AGFG2: variants seen among roughly 807,000 people sequenced by gnomAD.
AGFG2 encodes ArfGAP with FG repeats 2, also known as arf-GAP domain and FG repeat-containing protein 2.
AGFG2 carries 31 observed loss-of-function variants against 48.0 expected under a neutral mutation model. That is an observed-to-expected ratio of 0.65 (90% CI 0.49 to 0.87). The LOEUF is 0.87. AGFG2 is among the 40% of genes least tolerant of loss of function. The probability of loss-of-function intolerance (pLI) is 0.00; values close to 1 mark genes in which losing one functional copy is unlikely to be tolerated. For synonymous variants in AGFG2, 229 were observed against 260.8 expected, an observed-to-expected ratio of 0.88 and a Z score of 1.18; for missense variants, 599 against 632.6, an observed-to-expected ratio of 0.95 and a Z score of 0.57.
intron 6 of AGFG2, chr7:100,556,674 T>C: frequency 7.9e-7 from 1 of 1,272,544 alleles, no homozygotes; most frequent in Non-Finnish European, 1.0e-6. Flanking sequence ...CCTCTGATCA[T>C]AGAGTTTTGA....
At chr7:100,555,260 G>A (rs1209714737) in intron 5 of AGFG2, among the ~76,000 whole-genome samples, 1 of 127,782 alleles carries the variant, frequency 7.8e-6, no homozygotes, top group Non-Finnish European at 1.6e-5. Context: ...TTGTGTGTGT[G>A]TGGTTTTTTT....
Position 100,564,835 on chromosome 7 carries a change from A to G in AGFG2, c.1387-97A>G, listed in dbSNP as rs1257628257. ...CCCTCACTTTCCCACTGCCCTCAGC[A>G]TAGCGATTTTTCAGGAGAAAGGACT... On this transcript the variant is annotated intron_variant, in intron 11 of 11. Coordinates refer to ENST00000300176, the MANE Select transcript of AGFG2 (RefSeq NM_006076.5). 2.9e-6 allele frequency: 4 copies of G among 1,370,740 alleles called. No homozygotes were observed. The African/African-American group carries it at 5.7e-5, about 20-fold the overall frequency. The allele number at this position is 1,370,740 out of a possible 1,614,324, so 84.9% of individuals were successfully genotyped here.
Position 100,562,973 on chromosome 7 carries a change from C to G in AGFG2, c.1171+27C>G, listed in dbSNP as rs746099268. On this transcript the variant is annotated intron_variant, in intron 9 of 11. Coordinates refer to ENST00000300176, the MANE Select transcript of AGFG2 (RefSeq NM_006076.5). The surrounding 1 kb of genome is among the most constrained non-coding windows in gnomAD (Gnocchi z 5.4). ...TAAGCCTCCAGCATGGTCCCTTGTC[C>G]TGACCATCTGAGACTTCCAAGGCAC... The G allele has an allele frequency of 6.3e-7, 1 of 1,590,014 alleles. No homozygotes were observed. Among genetic ancestry groups the G allele is most frequent in the South Asian group, 1.1e-5 (1 of 89,996 alleles).
chr7:100,558,455 T>A (rs897953678), intron 6 of AGFG2, among the ~76,000 whole-genome samples: 1 of 152,122 alleles, frequency 6.6e-6, no homozygotes, highest in Non-Finnish European at 1.5e-5. Flanking sequence ...AAACAGCCTA[T>A]ATAAAGTTGT....
In AGFG2 at chr7:100,539,452, C is replaced by T; in HGVS notation, c.106C>T (p.Leu36=). The T allele has an allele frequency of 7.6e-7, 1 of 1,320,622 alleles. No individual in the cohort carries two copies. Among genetic ancestry groups the T allele is most frequent in the Non-Finnish European group, 9.7e-7 (1 of 1,031,164 alleles). 81.8% of individuals were successfully genotyped at this position (1,320,622 alleles called of 1,614,324 possible). ...SEVWCRRVRE[L]GGCSQAGNRH... The stretch of plus-strand genomic sequence containing the variant: ...GGTGTGGTGCCGTCGGGTGCGGGAG[C>T]TGGGTGGCTGCAGCCAGGCCGGGAA... The change falls in exon 1 of 12, where the codon CTG becomes TTG. Residue 36 remains leucine (L), a synonymous_variant. Transcript: ENST00000300176.
chr7:100,561,699 G>A (rs1482503850), intron 6 of AGFG2, among the ~76,000 whole-genome samples: 3 of 152,242 alleles, frequency 2.0e-5, no homozygotes, highest in East Asian at 1.9e-4. Context: ...ACCCCGCAGC[G>A]GGGCTGGCCC....
chr7:100,555,923 C>T (rs1386658998), intron 6 of AGFG2, 188 bp downstream of exon 6: 2 of 726,358 alleles, frequency 2.8e-6, no homozygotes, highest in African/African-American at 3.5e-5. Flanking sequence ...CTCTACTGTT[C>T]TGCTTTTTCA....
At position 100,567,009 on chromosome 7, in the gene AGFG2, C is replaced by A. The variant is rs1485092000; in HGVS notation, c.*2018C>A. The A allele has an allele frequency of 6.6e-6, 1 of 152,642 alleles. No individual in the cohort carries two copies. The highest frequency in any genetic ancestry group is 2.4e-5 in the African/African-American group (1 of 41,444). The allele number at this position is 152,642 out of a possible 1,614,324, so 9.5% of individuals were successfully genotyped here. A position where few individuals can be genotyped will look rare whatever the true frequency, so the allele number is the denominator to read the frequency against. ...CTGAGGCTAAACCGAAGGGCTTTCT[C>A]CTGCTTCTGTCACCCTGTGCTGTCT... On this transcript the variant is annotated 3_prime_UTR_variant, in exon 12 of 12. Coordinates refer to ENST00000300176, the MANE Select transcript of AGFG2 (RefSeq NM_006076.5).
intron 10 of AGFG2, 60 bp downstream of exon 10, chr7:100,564,022 T>C: frequency 6.3e-7 from 1 of 1,588,166 alleles, no homozygotes; most frequent in Non-Finnish European, 8.6e-7. Flanking sequence ...AGAGATCAGT[T>C]AGTTGTTCCT....
Position 100,554,153 on chromosome 7 carries a change from T to C in AGFG2, c.646T>C (p.Ser216Pro), listed in dbSNP as rs78834980. The C allele has an allele frequency of 3.7e-6, 6 of 1,613,980 alleles. No homozygotes were observed. The African/African-American group carries it at 8.0e-5, about 22-fold the overall frequency. ...QARSTQPPPH[S>P]SVKKASTDLL... Reference sequence around the variant, plus strand: ...CCGGAGCACTCAGCCACCTCCCCACTCCTCTGTCAAAAAAGCCAGTACTGA... The same window carrying C: ...CCGGAGCACTCAGCCACCTCCCCACCCCTCTGTCAAAAAAGCCAGTACTGA... Residue 216 changes from serine to proline, a missense_variant, in exon 5 of 12, where the codon TCC becomes CCC. Coordinates refer to ENST00000300176, the MANE Select transcript of AGFG2 (RefSeq NM_006076.5).
At chr7:100,553,587 C>G in intron 4 of AGFG2, 87 bp downstream of exon 4, 2 of 1,474,212 alleles carry the variant, frequency 1.4e-6, no homozygotes, top group Non-Finnish European at 1.8e-6. Flanking sequence ...CCGGACTTAG[C>G]AGACAACAGT....
intron 6 of AGFG2, chr7:100,556,001 G>T: frequency 2.9e-6 from 1 of 346,150 alleles, no homozygotes; most frequent in Non-Finnish European, 5.4e-6. Context: ...TTTTCACTAG[G>T]AAGTATGGAA....
Position 100,564,917 on chromosome 7 carries a change from GTTCT to G in AGFG2, c.1387-7_1387-4del. On this transcript the variant is annotated splice_polypyrimidine_tract_variant and intron_variant, in intron 11 of 11. Coordinates refer to ENST00000300176, the MANE Select transcript of AGFG2 (RefSeq NM_006076.5). ...CTCTCCCCTAACTGGAAAATGTATTGTTCTTTCTTTCCAGACTGGACCCTCATCA... is the reference window on the plus strand; with the variant it reads ...CTCTCCCCTAACTGGAAAATGTATTGTTCTTTCCAGACTGGACCCTCATCA... The G allele has an allele frequency of 1.2e-6, 2 of 1,613,746 alleles. No individual in the cohort carries two copies. Among genetic ancestry groups the G allele is most frequent in the South Asian group, 2.2e-5 (2 of 91,076 alleles).
intron 3 of AGFG2, among the ~76,000 whole-genome samples, chr7:100,551,027 AATTTATATATATATATAT>A (rs1450418599): frequency 8.7e-5 from 4 of 46,060 alleles, no homozygotes; most frequent in Admixed American, 5.5e-4. Flanking sequence ...ATGCCTGGCT[AATTTATATATATATATAT>A]ATATATATAT....
rs1210260626 is a variant in AGFG2 at position 100,551,059 on chromosome 7, TATATATA to T, written c.431+549_431+555del. Among the ~76,000 whole-genome samples the T allele has an allele frequency of 3.7e-4, 42 of 113,398 alleles. 1 individual carries two copies. The highest frequency in any genetic ancestry group is 1.6e-3 in the African/African-American group (42 of 26,556). 74.4% of individuals were successfully genotyped at this position (113,398 alleles called of 152,430 possible). On this transcript the variant is annotated intron_variant, in intron 3 of 11. Transcript: ENST00000300176. ...ATATATATATATATATATATATATA[TATATATA>T]TTTCTTTTTTTTTTTTTTTTTGAGA...
intron 4 of AGFG2, 98 bp downstream of exon 4, chr7:100,553,598 G>A (rs925085067): frequency 4.2e-6 from 6 of 1,417,596 alleles, no homozygotes; most frequent in South Asian, 1.4e-5. Flanking sequence ...AGACAACAGT[G>A]CAGGAGCTGT....
At chr7:100,550,622 C>A in intron 3 of AGFG2, 111 bp downstream of exon 3, 1 of 738,364 alleles carries the variant, frequency 1.4e-6, no homozygotes, top group South Asian at 1.7e-5. Context: ...AGACTTGGGT[C>A]GATTCTGTTC....
intron 6 of AGFG2, among the ~76,000 whole-genome samples, chr7:100,559,812 C>A (rs1222432849): frequency 4.1e-5 from 6 of 145,822 alleles, no homozygotes; most frequent in Non-Finnish European, 9.0e-5. Context: ...GAATGAGACC[C>A]TGTCTCAAAA....
In AGFG2 at chr7:100,539,395, G is replaced by A. The variant is rs1800374438; in HGVS notation, c.49G>A (p.Gly17Arg). The change falls in exon 1 of 12, where the codon GGG becomes AGG. Residue 17 changes from glycine to arginine, a missense_variant. Coordinates refer to ENST00000300176, the MANE Select transcript of AGFG2 (RefSeq NM_006076.5). ...CCCGGGCCCGGGCGGCGGGGTCAGCGGGGGCAAGGCGGAGGCGGAGGCGGC... is the reference window on the plus strand; with the variant it reads ...CCCGGGCCCGGGCGGCGGGGTCAGCAGGGGCAAGGCGGAGGCGGAGGCGGC... ...KGPGPGGGVS[G>R]GKAEAEAASE... The A allele has an allele frequency of 4.6e-6, 6 of 1,307,918 alleles. No individual in the cohort carries two copies. The highest frequency in any genetic ancestry group is 5.9e-6 in the Non-Finnish European group (6 of 1,025,290). The allele number at this position is 1,307,918 out of a possible 1,614,324, so 81.0% of individuals were successfully genotyped here.
Sources: allele counts gnomAD v4.1 joint callset (sites outside exome capture counted in the v4.1 genomes callset), GRCh38; gene constraint gnomAD v4.1.1; non-coding constraint Gnocchi (gnomAD v3.1); transcripts MANE v1.5; gene names NCBI Gene and HGNC (gene_info 2026-07-23, HGNC 2026-07-21).